The following MCC variants were observed in gnomAD, a reference collection of about 807,000 sequenced individuals.
MCC encodes the protein MCC regulator of Wnt signaling pathway.
Under a neutral mutation model 116.2 loss-of-function variants are expected in MCC, and 90 were observed. The observed-to-expected ratio is 0.77, with a 90% CI of 0.65 to 0.92. The LOEUF is 0.92. Among genes scored for constraint, MCC ranks in the 40% least tolerant of loss-of-function variants. The pLI is 0.00. For synonymous variants in MCC, 578 were observed against 510.5 expected, an observed-to-expected ratio of 1.13 and a Z score of -1.78; for missense variants, 1,516 against 1,312.2, an observed-to-expected ratio of 1.16 and a Z score of -2.40.
intron 1 of MCC, among the ~76,000 whole-genome samples, chr5:113,454,633 A>G (rs1308439157): frequency 6.6e-6 from 1 of 152,218 alleles, no homozygotes; most frequent in Non-Finnish European, 1.5e-5. Flanking sequence ...AATTCAAAAG[A>G]TGTTCCCACA....
intron 4 of MCC, among the ~76,000 whole-genome samples, chr5:113,146,439 G>A (rs57297544): frequency 0.065 from 9,761 of 150,926 alleles, 459 homozygotes; most frequent in African/African-American, 0.13. Flanking sequence ...AATCTTGGCT[G>A]GTGCCTTGGT....
In MCC at chr5:113,170,773, C is replaced by G. The variant is rs149480615; in HGVS notation, c.628-19351G>C. ...CTTTTCGTGATGTGGTCAGTAGTTA[C>G]AGTATAAGCAAGCAACTCATATGTT... On this transcript the variant is annotated intron_variant, in intron 3 of 18. Transcript: ENST00000408903. 2.2e-4 allele frequency among the ~76,000 whole-genome samples: 34 copies of G among 152,204 alleles called. No individual in the cohort carries two copies. The East Asian group carries it at 5.6e-3, about 25-fold the overall frequency.
intron 3 of MCC, among the ~76,000 whole-genome samples, chr5:113,243,757 G>A (rs1424154632): frequency 6.6e-6 from 1 of 152,234 alleles, no homozygotes; most frequent in Admixed American, 6.5e-5. Flanking sequence ...CTCAGGCCTT[G>A]AGGACGGGCT....
intron 17 of MCC, among the ~76,000 whole-genome samples, chr5:113,031,576 T>C (rs1170218467): frequency 6.6e-6 from 1 of 151,914 alleles, no homozygotes; most frequent in Non-Finnish European, 1.5e-5. Flanking sequence ...TGATTAATAG[T>C]GTAAAAGGAA....
chr5:113,377,224 T>C (rs1314671396), intron 2 of MCC, among the ~76,000 whole-genome samples: 1 of 152,136 alleles, frequency 6.6e-6, no homozygotes, highest in African/African-American at 2.4e-5. Context: ...AGTTGGGTGT[T>C]TGCTGCTTGT....
At chr5:113,081,879 T>C (rs1190330039) in intron 11 of MCC, among the ~76,000 whole-genome samples, 1 of 152,226 alleles carries the variant, frequency 6.6e-6, no homozygotes, top group Non-Finnish European at 1.5e-5. Context: ...ACAAGAGGAA[T>C]GGAATTAAGC....
chr5:113,477,609 T>C (rs1168055783), intron 1 of MCC, among the ~76,000 whole-genome samples: 2 of 151,704 alleles, frequency 1.3e-5, no homozygotes, highest in Admixed American at 1.3e-4. Context: ...TCTCACCGAG[T>C]TGAGGAGAGA....
intron 2 of MCC, among the ~76,000 whole-genome samples, chr5:113,369,642 C>T (rs562618968): frequency 1.3e-5 from 2 of 152,082 alleles, no homozygotes; most frequent in Non-Finnish European, 2.9e-5. Flanking sequence ...GTTGTTTCCA[C>T]CTTTGGGCTA....
intron 8 of MCC, among the ~76,000 whole-genome samples, chr5:113,086,102 T>G (rs1428548452): frequency 6.6e-6 from 1 of 152,210 alleles, no homozygotes; most frequent in East Asian, 1.9e-4. Context: ...AATCATCATT[T>G]CAGAGCCCAG....
chr5:113,345,081 T>C (rs1768100272), intron 2 of MCC, among the ~76,000 whole-genome samples: 1 of 152,032 alleles, frequency 6.6e-6, no homozygotes. Flanking sequence ...AAAAGCTGAC[T>C]GAAGAGCCTT....
At chr5:113,223,105 G>A (rs1763611230) in intron 3 of MCC, among the ~76,000 whole-genome samples, 1 of 152,150 alleles carries the variant, frequency 6.6e-6, no homozygotes, top group South Asian at 2.1e-4. Context: ...ATAAAAATGG[G>A]ACGCAAACGA....
At chr5:113,122,888 A>T (rs1480000063) in intron 5 of MCC, 62 bp from the exon 6 acceptor site, 67 of 1,534,270 alleles carry the variant, frequency 4.4e-5, no homozygotes, top group Non-Finnish European at 5.9e-5. Flanking sequence ...CCTAGAGAAT[A>T]TGTCTTTTAA....
At chr5:113,104,028 T>G (rs1264453819) in intron 7 of MCC, among the ~76,000 whole-genome samples, 164 bp downstream of exon 7, 2 of 152,166 alleles carry the variant, frequency 1.3e-5, no homozygotes, top group African/African-American at 4.8e-5. Context: ...CCAACCAAAA[T>G]TTCTAGAGCC....
At chr5:113,294,411 C>G in intron 3 of MCC, 1 of 1,613,436 alleles carries the variant, frequency 6.2e-7, no homozygotes. Flanking sequence ...GCTGGGCTCT[C>G]AGTCCCCCAG....
chr5:113,264,769 A>C (rs1412148483), intron 3 of MCC, among the ~76,000 whole-genome samples: 5 of 152,134 alleles, frequency 3.3e-5, no homozygotes, highest in Admixed American at 1.3e-4. Flanking sequence ...TGGGCCAGGC[A>C]TGGTGGCTCA....
intron 3 of MCC, among the ~76,000 whole-genome samples, chr5:113,191,836 A>G (rs931389279): frequency 2.0e-5 from 3 of 152,176 alleles, no homozygotes; most frequent in Non-Finnish European, 1.5e-5. Context: ...ATTTAGGTGT[A>G]GTGTCAAGTT....
At chr5:113,150,501 C>T (rs923239131) in intron 4 of MCC, among the ~76,000 whole-genome samples, 2 of 151,210 alleles carry the variant, frequency 1.3e-5, no homozygotes, top group African/African-American at 4.9e-5. Context: ...CAGAAAAGAA[C>T]GTTAGGAATT....
At chr5:113,409,663 A>C (rs994544267) in intron 1 of MCC, among the ~76,000 whole-genome samples, 2 of 152,170 alleles carry the variant, frequency 1.3e-5, no homozygotes, top group Non-Finnish European at 2.9e-5. Flanking sequence ...AAATATTTGA[A>C]TGTTACACAT....
chr5:113,179,380 G>A (rs1761497989), intron 3 of MCC, among the ~76,000 whole-genome samples: 1 of 152,170 alleles, frequency 6.6e-6, no homozygotes, highest in Non-Finnish European at 1.5e-5. Flanking sequence ...TGCTGTTAGG[G>A]GCAAGTACAC....
Sources: gnomAD v4.1 joint callset for allele counts (sites outside exome capture counted in the v4.1 genomes callset) on GRCh38, gnomAD v4.1.1 for gene constraint, MANE v1.5 for transcripts, NCBI Gene and HGNC (gene_info 2026-07-23, HGNC 2026-07-21) for gene names.